RORB: variants seen among roughly 807,000 people sequenced by gnomAD.
RORB encodes the protein nuclear receptor ROR-beta.
Under a neutral mutation model 59.1 loss-of-function variants are expected in RORB, and 6 were observed. The ratio of observed to expected loss-of-function variants is 0.10; its 90% CI spans 0.06 to 0.20. The LOEUF (loss-of-function observed/expected upper bound fraction) is 0.20, where lower values mean the gene tolerates loss of function less well. Ranked by LOEUF, RORB falls within the 10% of genes least tolerant of loss-of-function variation. The probability of loss-of-function intolerance (pLI) is 1.00; values close to 1 mark genes in which losing one functional copy is unlikely to be tolerated. For synonymous variants in RORB, 215 were observed against 204.5 expected (o/e 1.05, Z -0.44); for missense variants, 320 against 560.5 (o/e 0.57, Z 4.33).
intron 8 of RORB, among the ~76,000 whole-genome samples, chr9:74,669,430 G>T (rs1462547830): frequency 6.8e-6 from 1 of 146,922 alleles, no homozygotes; most frequent in East Asian, 2.0e-4. Flanking sequence ...AGTGAGCCGA[G>T]ATTGTGCCAT....
At chr9:74,555,471 A>G (rs7023060) in intron 1 of RORB, among the ~76,000 whole-genome samples, 88,303 of 152,046 alleles carry the variant, frequency 0.58, 26,522 homozygotes, top group African/African-American at 0.72. Flanking sequence ...ATACATATAA[A>G]TATATGGTAT....
chr9:74,672,330 TG>T (rs981763344), intron 9 of RORB, among the ~76,000 whole-genome samples: 1 of 152,160 alleles, frequency 6.6e-6, no homozygotes, highest in African/African-American at 2.4e-5. Flanking sequence ...AATTGTTGTA[TG>T]GGGGGTGGAC....
At chr9:74,599,364 C>CT in intron 1 of RORB, among the ~76,000 whole-genome samples, 1 of 151,920 alleles carries the variant, frequency 6.6e-6, no homozygotes, top group African/African-American at 2.4e-5. Context: ...TCAATGGCCT[C>CT]TAAGGTCAAA....
chr9:74,623,958 T>TA (rs1251951602), intron 1 of RORB, among the ~76,000 whole-genome samples: 1 of 152,230 alleles, frequency 6.6e-6, no homozygotes, highest in Non-Finnish European at 1.5e-5. Flanking sequence ...TATTTTCTCT[T>TA]AATGATTATA....
chr9:74,614,355 C>A (rs1823276504), intron 1 of RORB, among the ~76,000 whole-genome samples: 1 of 151,998 alleles, frequency 6.6e-6, no homozygotes, highest in African/African-American at 2.4e-5. Flanking sequence ...ATTCAAATAT[C>A]ACTTTTTTAA....
intron 1 of RORB, among the ~76,000 whole-genome samples, chr9:74,617,500 T>G (rs1425817154): frequency 6.6e-6 from 1 of 152,240 alleles, no homozygotes; most frequent in African/African-American, 2.4e-5. Context: ...AGGTGCAGCA[T>G]GCTGGATCTG....
At chr9:74,668,997 T>G (rs1479687935) in intron 8 of RORB, among the ~76,000 whole-genome samples, 1 of 152,102 alleles carries the variant, frequency 6.6e-6, no homozygotes, top group Non-Finnish European at 1.5e-5. Context: ...CAAGTATCTG[T>G]GTGATATTAA....
intron 3 of RORB, 89 bp from the exon 4 acceptor site, chr9:74,642,325 G>A: frequency 7.6e-7 from 1 of 1,322,252 alleles, no homozygotes; most frequent in Admixed American, 2.2e-5. Context: ...GAAGTTGAAG[G>A]GACAACCATC....
chr9:74,499,709 G>GTTTTTC (rs1310949250), intron 1 of RORB, among the ~76,000 whole-genome samples: 2 of 152,084 alleles, frequency 1.3e-5, no homozygotes, highest in Admixed American at 1.3e-4. Flanking sequence ...CCGGTCTTTT[G>GTTTTTC]TTTTTCTTTT....
chr9:74,628,445 T>C (rs1823558005), intron 1 of RORB, among the ~76,000 whole-genome samples: 1 of 152,180 alleles, frequency 6.6e-6, no homozygotes, highest in Non-Finnish European at 1.5e-5. Context: ...TGGTTGTCAA[T>C]TCCCAAATCA....
intron 1 of RORB, among the ~76,000 whole-genome samples, chr9:74,542,559 C>A (rs1826425337): frequency 6.6e-6 from 1 of 152,066 alleles, no homozygotes; most frequent in African/African-American, 2.4e-5. Context: ...TAACTAGAAT[C>A]ACAGAAAGAT....
intron 1 of RORB, among the ~76,000 whole-genome samples, chr9:74,562,659 C>G (rs1019412229): frequency 3.3e-5 from 5 of 152,278 alleles, no homozygotes; most frequent in Admixed American, 1.3e-4. Context: ...GTGGGATCAT[C>G]ATTTCTTAAC....
chr9:74,580,267 A>G (rs1043743080), intron 1 of RORB, among the ~76,000 whole-genome samples: 2 of 152,186 alleles, frequency 1.3e-5, no homozygotes, highest in African/African-American at 4.8e-5. Flanking sequence ...GTCATCAGCC[A>G]GTGTAAAATA....
intron 1 of RORB, among the ~76,000 whole-genome samples, chr9:74,599,233 A>T (rs974718329): frequency 2.0e-5 from 3 of 151,928 alleles, no homozygotes; most frequent in Admixed American, 6.6e-5. Context: ...TTAAACACAT[A>T]CCTATGGAAT....
chr9:74,590,631 G>A (rs1458904715), intron 1 of RORB, among the ~76,000 whole-genome samples: 1 of 152,202 alleles, frequency 6.6e-6, no homozygotes, highest in African/African-American at 2.4e-5. Flanking sequence ...CATGTCAAGT[G>A]AGACCTCTGG....
In RORB at chr9:74,642,760, C is replaced by T; in HGVS notation, c.582C>T (p.Thr194=). 6.2e-7 allele frequency: 1 copy of T among 1,612,680 alleles called. No individual in the cohort carries two copies. Among genetic ancestry groups the T allele is most frequent in the South Asian group, 1.1e-5 (1 of 90,960 alleles). The change falls in exon 4 of 10, where the codon ACC becomes ACT. Residue 194 remains threonine (T), a synonymous_variant. Coordinates refer to ENST00000376896, the MANE Select transcript of RORB (RefSeq NM_006914.4). The part of the protein sequence containing the change: ...YDLTSVPNLF[T]YSSFNNGQLA... ...TCACATCCGTACCCAACTTGTTTAC[C>T]TATAGCTCTTTCAACAATGGGCAGT...
intron 1 of RORB, among the ~76,000 whole-genome samples, chr9:74,504,421 A>C (rs1486788198): frequency 6.6e-6 from 1 of 152,066 alleles, no homozygotes; most frequent in East Asian, 1.9e-4. Flanking sequence ...ATGTTTTTAC[A>C]AAAGCCAAAA....
At chr9:74,600,665 A>T (rs1028511471) in intron 1 of RORB, among the ~76,000 whole-genome samples, 1 of 152,240 alleles carries the variant, frequency 6.6e-6, no homozygotes, top group African/African-American at 2.4e-5. Flanking sequence ...AGATATCAAG[A>T]TATTAAAATA....
chr9:74,594,256 A>G (rs910059801), intron 1 of RORB, among the ~76,000 whole-genome samples: 2 of 152,220 alleles, frequency 1.3e-5, no homozygotes, highest in African/African-American at 4.8e-5. Context: ...TATCTGCATC[A>G]GCTGTGCATG....
Sources: allele counts gnomAD v4.1 joint callset (sites outside exome capture counted in the v4.1 genomes callset), GRCh38; gene constraint gnomAD v4.1.1; transcripts MANE v1.5; gene names NCBI Gene and HGNC (gene_info 2026-07-23, HGNC 2026-07-21).